Variants in NT5C2 observed in about 807,000 individuals in gnomAD.
NT5C2 encodes the protein 5'-nucleotidase, cytosolic II.
Under a neutral mutation model 76.1 loss-of-function variants are expected in NT5C2, and 58 were observed. The observed-to-expected ratio is 0.76, with a 90% confidence interval of 0.62 to 0.95. NT5C2 has a LOEUF of 0.95. Ranked by LOEUF, NT5C2 falls within the 40% of genes least tolerant of loss-of-function variation. The pLI is 0.00. For synonymous variants in NT5C2, 229 were observed against 237.4 expected, an observed-to-expected ratio of 0.96 and a Z score of 0.32; for missense variants, 478 against 690.3, an observed-to-expected ratio of 0.69 and a Z score of 3.45.
intron 4 of NT5C2, among the ~76,000 whole-genome samples, chr10:103,126,803 T>C (rs2076750376): frequency 6.6e-6 from 1 of 152,140 alleles, no homozygotes; most frequent in South Asian, 2.1e-4. Context: ...TCCACTTATA[T>C]GCGGATTTTT....
intron 3 of NT5C2, among the ~76,000 whole-genome samples, chr10:103,162,659 G>A (rs375766600): frequency 1.3e-5 from 2 of 152,066 alleles, no homozygotes; most frequent in African/African-American, 2.4e-5. Flanking sequence ...AAAACTAAAC[G>A]TATGCTTAAC....
intron 4 of NT5C2, chr10:103,111,829 A>C: frequency 1.6e-6 from 2 of 1,224,054 alleles, no homozygotes; most frequent in Non-Finnish European, 2.0e-6. Flanking sequence ...AAAAGCAACA[A>C]AACAAAACAA....
intron 3 of NT5C2, among the ~76,000 whole-genome samples, chr10:103,143,878 C>T (rs2081022002): frequency 6.6e-6 from 1 of 151,954 alleles, no homozygotes; most frequent in African/African-American, 2.4e-5. Flanking sequence ...TCACTTGAGC[C>T]CAAGAGGTCA....
intron 3 of NT5C2, among the ~76,000 whole-genome samples, chr10:103,157,206 T>A (rs1369884992): frequency 1.3e-5 from 2 of 151,716 alleles, no homozygotes; most frequent in Admixed American, 6.6e-5. Flanking sequence ...TTATACTGTA[T>A]ACAAATACCC....
intron 4 of NT5C2, among the ~76,000 whole-genome samples, chr10:103,113,332 A>G (rs1222508328): frequency 6.6e-6 from 1 of 152,180 alleles, no homozygotes; most frequent in Non-Finnish European, 1.5e-5. Context: ...AAAAATACCT[A>G]CTTCAAAAAT....
intron 14 of NT5C2, chr10:103,093,682 A>G (rs1380191997): frequency 2.3e-6 from 1 of 425,892 alleles, no homozygotes; most frequent in Non-Finnish European, 4.2e-6. Context: ...GAAACCCTTG[A>G]GAACATATTG....
chr10:103,100,535 CT>C, intron 8 of NT5C2: 1 of 385,854 alleles, frequency 2.6e-6, no homozygotes, highest in Non-Finnish European at 5.1e-6. Flanking sequence ...TCAGTATTGG[CT>C]ATATAATTCT....
intron 2 of NT5C2, chr10:103,175,842 C>A: frequency 6.0e-6 from 1 of 165,772 alleles, no homozygotes; most frequent in South Asian, 1.7e-4. Flanking sequence ...GCAGGCTGCT[C>A]TTCCACAAAA....
Position 103,178,939 on chromosome 10 carries a change from C to CTTT in NT5C2, c.-25+2243_-25+2245dup, listed in dbSNP as rs1554837744. 3.4e-5 allele frequency among the ~76,000 whole-genome samples: 4 copies of CTTT among 117,160 alleles called. No homozygotes were observed. The South Asian group carries it at 1.1e-3, about 32-fold the overall frequency. 76.9% of individuals were successfully genotyped at this position (117,160 alleles called of 152,430 possible). ...TTTTCTCTGTATTCCTCTACGTTTTCTTTTTTCTTTTTTTCTTTTTTTTTT... is the reference window on the plus strand; with the variant it reads ...TTTTCTCTGTATTCCTCTACGTTTTCTTTTTTTTTCTTTTTTTCTTTTTTTTTT... On this transcript the variant is annotated intron_variant, in intron 2 of 18. Transcript: ENST00000404739.
intron 3 of NT5C2, among the ~76,000 whole-genome samples, chr10:103,151,881 T>C (rs1189102573): frequency 6.6e-6 from 1 of 152,206 alleles, no homozygotes; most frequent in Non-Finnish European, 1.5e-5. Context: ...ATGCACTTAT[T>C]ATCCATTCGG....
At chr10:103,165,574 CTTTTTT>C (rs35898850) in intron 3 of NT5C2, among the ~76,000 whole-genome samples, 1 of 109,266 alleles carries the variant, frequency 9.2e-6, no homozygotes, top group Admixed American at 9.8e-5. Flanking sequence ...CCACCTGTGG[CTTTTTT>C]TTTTTTTTTT....
At chr10:103,090,232 T>C in intron 18 of NT5C2, 1 of 323,932 alleles carries the variant, frequency 3.1e-6, no homozygotes. Flanking sequence ...ACATTTTCTT[T>C]TTCTTGAGAT....
rs2069564527 is a variant in NT5C2 at position 103,101,274 on chromosome 10, C to A, written c.442G>T (p.Glu148Ter). 6.2e-7 allele frequency: 1 copy of A among 1,609,340 alleles called. No homozygotes were observed. The highest frequency in any genetic ancestry group is 8.5e-7 in the Non-Finnish European group (1 of 1,176,228). ...PNKFIQRDDT[E>*]RFYILNTLFN... The stretch of plus-strand genomic sequence containing the variant: ...AGTGTGTTCAGAATGTAAAATCTTT[C>A]AGTATCATCTCGCTGGATAAATTTA... The change falls in exon 7 of 19, where the codon GAA becomes TAA. Residue 148 changes from glutamate to a stop codon, truncating the protein, a stop_gained. Transcript: ENST00000404739. LOFTEE classifies it high-confidence loss of function.
intron 3 of NT5C2, among the ~76,000 whole-genome samples, chr10:103,167,182 A>C (rs931542887): frequency 6.6e-6 from 1 of 151,754 alleles, no homozygotes; most frequent in African/African-American, 2.4e-5. Flanking sequence ...CACCTGGCTA[A>C]TTTTTGTATT....
chr10:103,181,048 A>C (rs2090974354), intron 2 of NT5C2, 137 bp downstream of exon 2: 1 of 152,144 alleles, frequency 6.6e-6, no homozygotes, highest in African/African-American at 2.4e-5. Context: ...GGAGAGGAGG[A>C]GGTATTACAA....
intron 4 of NT5C2, among the ~76,000 whole-genome samples, chr10:103,129,493 A>G (rs1466312771): frequency 1.7e-4 from 10 of 58,586 alleles, no homozygotes; most frequent in South Asian, 7.8e-4. Flanking sequence ...CAGCCCCCCC[A>G]CCCGGCCAGC....
At chr10:103,145,915 T>C in intron 3 of NT5C2, 1 of 250,540 alleles carries the variant, frequency 4.0e-6, no homozygotes, top group Non-Finnish European at 6.3e-6. Flanking sequence ...TATAATGTGC[T>C]TTAGAAATAA....
chr10:103,110,277 G>A (rs1005716683), intron 4 of NT5C2, among the ~76,000 whole-genome samples: 1 of 152,038 alleles, frequency 6.6e-6, no homozygotes, highest in Non-Finnish European at 1.5e-5. Context: ...CCAATATGGC[G>A]AAACCCCGTC....
chr10:103,146,230 TTTAAC>T (rs1354815830), intron 3 of NT5C2: 6 of 985,448 alleles, frequency 6.1e-6, no homozygotes, highest in Non-Finnish European at 7.2e-6. Context: ...CTGTGTTTAA[TTTAAC>T]TTGTCATTGG....
Sources: allele counts gnomAD v4.1 joint callset (sites outside exome capture counted in the v4.1 genomes callset), GRCh38; gene constraint gnomAD v4.1.1; transcripts MANE v1.5; gene names NCBI Gene and HGNC (gene_info 2026-07-23, HGNC 2026-07-21).